CCDC71L: variants seen among roughly 807,000 people sequenced by gnomAD.
The protein encoded by CCDC71L is coiled-coil domain-containing protein 71L.
CCDC71L carries 6 observed loss-of-function variants against 10.2 expected under a neutral mutation model. The ratio of observed to expected loss-of-function variants is 0.59; its 90% CI spans 0.32 to 1.16. The LOEUF is 1.16. Among genes scored for constraint, CCDC71L ranks in the 50% most tolerant of loss-of-function variants. CCDC71L has a pLI of 0.05. For synonymous variants in CCDC71L, 204 were observed against 175.5 expected, an observed-to-expected ratio of 1.16 and a Z score of -1.28; for missense variants, 366 against 383.4, an observed-to-expected ratio of 0.95 and a Z score of 0.38.
rs1427342975 is a variant in CCDC71L at position 106,659,051 on chromosome 7, C to T, written c.*1138G>A. ...AGTAACCTTAACCAGTTATTTGATA[C>T]CAAGAAATGCCTCCACCCCTCTTGA... On this transcript the variant is annotated 3_prime_UTR_variant, in exon 1 of 1. Transcript: ENST00000523505. 6.6e-6 allele frequency: 1 copy of T among 152,054 alleles called. No individual in the cohort carries two copies. The highest frequency in any genetic ancestry group is 1.5e-5 in the Non-Finnish European group (1 of 67,972). 9.4% of individuals were successfully genotyped at this position (152,054 alleles called of 1,614,324 possible). A position where few individuals can be genotyped will look rare whatever the true frequency, so the allele number is the denominator to read the frequency against.
Position 106,659,587 on chromosome 7 carries a change from A to ACAAGCTTGAAC in CCDC71L, c.*591_*601dup, listed in dbSNP as rs1336307494. 2.0e-5 allele frequency: 3 copies of ACAAGCTTGAAC among 152,656 alleles called. No individual in the cohort carries two copies. Among genetic ancestry groups the ACAAGCTTGAAC allele is most frequent in the Non-Finnish European group, 2.9e-5 (2 of 68,046 alleles). 9.5% of individuals were successfully genotyped at this position (152,656 alleles called of 1,614,324 possible). A position where few individuals can be genotyped will look rare whatever the true frequency, so the allele number is the denominator to read the frequency against. On this transcript the variant is annotated 3_prime_UTR_variant, in exon 1 of 1. Transcript: ENST00000523505. ...ACAAATCCTTGCACTACTAACAGTC[A>ACAAGCTTGAAC]CAAGCTTGAACCTCTTAAAAAATAT...
rs1792506670 is a variant in CCDC71L, at chr7:106,657,272, A to G, written c.*2917T>C. 6.6e-6 allele frequency: 1 copy of G among 152,170 alleles called. No homozygotes were observed. Among genetic ancestry groups the G allele is most frequent in the South Asian group, 2.1e-4 (1 of 4,830 alleles). 9.4% of individuals were successfully genotyped at this position (152,170 alleles called of 1,614,324 possible). On this transcript the variant is annotated 3_prime_UTR_variant, in exon 1 of 1. Coordinates refer to ENST00000523505, the MANE Select transcript of CCDC71L (RefSeq NM_175884.6). ...ACTGGTTTTAGTAACATAAAAATAC[A>G]TTGCTGGTTGACAGGAAGGATAAAA...
rs754098457 is a variant in CCDC71L, at chr7:106,660,200, G to A, written c.697C>T (p.Pro233Ser). Residue 233 changes from proline (P) to serine (S), a missense_variant, in exon 1 of 1, where the codon CCC becomes TCC. Physicochemically the swap from Pro to Ser is moderately conservative, Grantham distance 74 (BLOSUM62 -1). Transcript: ENST00000523505. This position sits in a 1 kb window ranked among gnomAD's most constrained non-coding sequence, Gnocchi z 7.5. ...PMVRLRRFPVPRA is the reference protein window; with the variant it reads ...PMVRLRRFPVSRA ...CTGGAGGCCGCACCTCATGCCCGGG[G>A]CACCGGGAAGCGGCGGAGCCTCACC... 1.9e-6 allele frequency: 3 copies of A among 1,563,962 alleles called. No individual in the cohort carries two copies. Among genetic ancestry groups the A allele is most frequent in the South Asian group, 2.3e-5 (2 of 87,964 alleles).
Position 106,660,460 on chromosome 7 carries a change from T to G in CCDC71L, c.437A>C (p.Lys146Thr). Residue 146 changes from lysine to threonine, a missense_variant, in exon 1 of 1, where the codon AAG becomes ACG. By Grantham distance (78) the Lys-to-Thr change is moderately conservative. Transcript: ENST00000523505. This position sits in a 1 kb window ranked among gnomAD's most constrained non-coding sequence, Gnocchi z 7.5. ...GARAAAARRR[K>T]PRPPPPPPPP... ...CGGCGGTGGGGGTGGCGGCCGGGGC[T>G]TCCTCCTGCGGGCAGCGGCCGCCCG... 8.2e-7 allele frequency: 1 copy of G among 1,226,158 alleles called. No homozygotes were observed. Among genetic ancestry groups the G allele is most frequent in the Non-Finnish European group, 1.0e-6 (1 of 985,306 alleles). The allele number at this position is 1,226,158 out of a possible 1,614,324, so 76.0% of individuals were successfully genotyped here.
chr7:106,657,557 C>T lies in CCDC71L; in HGVS notation c.*2632G>A, dbSNP rs1403302541. ...ATGCCTCATTATAAAGGCCACTATGCCAAGTTTCTTTTCACATTCTGTGAC... is the reference window on the plus strand; with the variant it reads ...ATGCCTCATTATAAAGGCCACTATGTCAAGTTTCTTTTCACATTCTGTGAC... On this transcript the variant is annotated 3_prime_UTR_variant, in exon 1 of 1. Coordinates refer to ENST00000523505, the MANE Select transcript of CCDC71L (RefSeq NM_175884.6). 1 of 152,146 alleles carries T rather than the reference C, an allele frequency of 6.6e-6. No individual in the cohort carries two copies. Among genetic ancestry groups the T allele is most frequent in the Admixed American group, 6.5e-5 (1 of 15,280 alleles). The allele number at this position is 152,146 out of a possible 1,614,324, so 9.4% of individuals were successfully genotyped here.
rs748911402 is a variant in CCDC71L at position 106,660,309 on chromosome 7, G to A, written c.588C>T (p.Val196=). Residue 196 remains valine, a synonymous_variant, in exon 1 of 1, where the codon GTC becomes GTT. Transcript: ENST00000523505. This position sits in a 1 kb window ranked among gnomAD's most constrained non-coding sequence, Gnocchi z 7.5. ...PTLTTFPTIR[V]GSDVWGERSL... The stretch of plus-strand genomic sequence containing the variant: ...TGCGCTCGCCCCACACGTCGCTGCC[G>A]ACGCGGATGGTGGGGAAGGTGGTCA... 3.2e-6 allele frequency: 5 copies of A among 1,540,080 alleles called. No homozygotes were observed. The Admixed American group carries it at 5.7e-5, about 18-fold the overall frequency.
Position 106,661,005 on chromosome 7 carries a change from T to G in CCDC71L, c.-109A>C. ...GCTGCTGCTGGCGTCTCTCGCTACT[T>G]TTCTCGCCTCCGCCGCCGCCCCTCC... On this transcript the variant is annotated 5_prime_UTR_variant, in exon 1 of 1. Transcript: ENST00000523505. 1 of 1,278,976 alleles carries G rather than the reference T, an allele frequency of 7.8e-7. No homozygotes were observed. Among genetic ancestry groups the G allele is most frequent in the Middle Eastern group, 3.0e-4 (1 of 3,338 alleles). The allele number at this position is 1,278,976 out of a possible 1,614,324, so 79.2% of individuals were successfully genotyped here. A position where few individuals can be genotyped will look rare whatever the true frequency, so the allele number is the denominator to read the frequency against.
Position 106,656,241 on chromosome 7 carries a change from AC to A in CCDC71L, c.*3947del, listed in dbSNP as rs1792487936. Among the ~76,000 whole-genome samples, 1 of 152,296 alleles carries A rather than the reference AC, an allele frequency of 6.6e-6. No individual in the cohort carries two copies. Among genetic ancestry groups the A allele is most frequent in the Non-Finnish European group, 1.5e-5 (1 of 68,020 alleles). ...AACTAATAGGAACTTAGGTACAAAG[AC>A]AAATTCAGCCCACACAGTACTATCT... is the stretch of plus-strand genomic sequence containing the variant. On this transcript the variant is annotated 3_prime_UTR_variant, in exon 1 of 1. Coordinates refer to ENST00000523505, the MANE Select transcript of CCDC71L (RefSeq NM_175884.6).
chr7:106,658,358 T>C lies in CCDC71L; in HGVS notation c.*1831A>G, dbSNP rs1792525885. The stretch of plus-strand genomic sequence containing the variant: ...GAAAACTGGCATCAAGTTATATATA[T>C]GTGTGTATATATATATCATATTATT... On this transcript the variant is annotated 3_prime_UTR_variant, in exon 1 of 1. Coordinates refer to ENST00000523505, the MANE Select transcript of CCDC71L (RefSeq NM_175884.6). 6.6e-6 allele frequency: 1 copy of C among 152,220 alleles called. No individual in the cohort carries two copies. Among genetic ancestry groups the C allele is most frequent in the African/African-American group, 2.4e-5 (1 of 41,466 alleles). 9.4% of individuals were successfully genotyped at this position (152,220 alleles called of 1,614,324 possible).
rs73184250 is a variant in CCDC71L at position 106,654,628 on chromosome 7, C to G, written c.*5561G>C. ...AAGCAAAAAATATGCTGTAAGAAAT[C>G]AAAATAATGGTTATCTTGGGCAAGA... On this transcript the variant is annotated 3_prime_UTR_variant, in exon 1 of 1. Coordinates refer to ENST00000523505, the MANE Select transcript of CCDC71L (RefSeq NM_175884.6). 0.06 allele frequency among the ~76,000 whole-genome samples: 9,108 copies of G among 152,006 alleles called. 349 individuals carry two copies. Among genetic ancestry groups the G allele is most frequent in the African/African-American group, 0.1 (4,323 of 41,460 alleles).
Position 106,655,576 on chromosome 7 carries a change from A to G in CCDC71L, c.*4613T>C, listed in dbSNP as rs1792476326. 6.6e-6 allele frequency among the ~76,000 whole-genome samples: 1 copy of G among 152,242 alleles called. No homozygotes were observed. Among genetic ancestry groups the G allele is most frequent in the South Asian group, 2.1e-4 (1 of 4,834 alleles). On this transcript the variant is annotated 3_prime_UTR_variant, in exon 1 of 1. Transcript: ENST00000523505. ...AACACTTACTGAGCTTACTCTAAGC[A>G]AATATGTAGTCCAAAACTTTTGTAA... is the stretch of plus-strand genomic sequence containing the variant.
rs542839626 is a variant in CCDC71L at position 106,660,854 on chromosome 7, C to T, written c.43G>A (p.Ala15Thr). 1 of 1,479,312 alleles carries T rather than the reference C, an allele frequency of 6.8e-7. No individual in the cohort carries two copies. 91.6% of individuals were successfully genotyped at this position (1,479,312 alleles called of 1,614,324 possible). The change falls in exon 1 of 1, where the codon GCC becomes ACC. Residue 15 changes from alanine to threonine, a missense_variant. Physicochemically the swap from Ala to Thr is moderately conservative, Grantham distance 58. Coordinates refer to ENST00000523505, the MANE Select transcript of CCDC71L (RefSeq NM_175884.6). The surrounding 1 kb of genome is among the most constrained non-coding windows in gnomAD (Gnocchi z 7.5). The stretch of plus-strand genomic sequence containing the variant: ...CCGCCCCGGGCGGCCGTGGCCGGGG[C>T]GACCGGGCGCCGGCGCCGCCGCCTC... ...MKRRRRRRPV[A>T]PATAARGGDF...
chr7:106,660,600 G>C lies in CCDC71L; in HGVS notation c.297C>G (p.Tyr99Ter), dbSNP rs577572352. ...CCAGGGCCCGGCAGGAGGAGTAGCC[G>C]TAGACGTCCTTGCTGCGCAGGATGT... is the stretch of plus-strand genomic sequence containing the variant. The part of the protein sequence containing the change: ...SPHILRSKDV[Y>*]GYSSCRALVP... Residue 99 changes from tyrosine to a stop codon, truncating the protein, a stop_gained, in exon 1 of 1, where the codon TAC becomes TAG. Transcript: ENST00000523505. LOFTEE classifies it high-confidence loss of function. This position sits in a 1 kb window ranked among gnomAD's most constrained non-coding sequence, Gnocchi z 7.5. 6.3e-7 allele frequency: 1 copy of C among 1,579,860 alleles called. No homozygotes were observed. Among genetic ancestry groups the C allele is most frequent in the African/African-American group, 1.4e-5 (1 of 73,414 alleles).
chr7:106,654,681 G>A lies in CCDC71L; in HGVS notation c.*5508C>T, dbSNP rs946909055. Among the ~76,000 whole-genome samples, 3 of 152,128 alleles carry A rather than the reference G, an allele frequency of 2.0e-5. No homozygotes were observed. ...GTGAGTAGGTAATGGCTGATGGGGT[G>A]TTAGGGAGGACTTCAGGGGTACTCA... On this transcript the variant is annotated 3_prime_UTR_variant, in exon 1 of 1. Transcript: ENST00000523505.
chr7:106,660,333 C>G lies in CCDC71L; in HGVS notation c.564G>C (p.Leu188=). The change falls in exon 1 of 1, where the codon CTG becomes CTC. Residue 188 remains leucine, a synonymous_variant. Transcript: ENST00000523505. The surrounding 1 kb of genome is among the most constrained non-coding windows in gnomAD (Gnocchi z 7.5). ...CGACGCGGATGGTGGGGAAGGTGGT[C>G]AGCGTCGGGGTGGCCGCCCTCCAGA... ...EEIWRAATPT[L]TTFPTIRVGS... The G allele has an allele frequency of 4.0e-6, 6 of 1,502,100 alleles. No individual in the cohort carries two copies. The highest frequency in any genetic ancestry group is 5.3e-6 in the Non-Finnish European group (6 of 1,134,632). The allele number at this position is 1,502,100 out of a possible 1,614,324, so 93.0% of individuals were successfully genotyped here.
Position 106,656,293 on chromosome 7 carries a change from T to C in CCDC71L, c.*3896A>G, listed in dbSNP as rs1448532155. 6.6e-6 allele frequency among the ~76,000 whole-genome samples: 1 copy of C among 152,166 alleles called. No homozygotes were observed. Among genetic ancestry groups the C allele is most frequent in the African/African-American group, 2.4e-5 (1 of 41,440 alleles). On this transcript the variant is annotated 3_prime_UTR_variant, in exon 1 of 1. Transcript: ENST00000523505. ...ATGAATCCGGCTCTTGCTGTGCTGT[T>C]CACTAATACTCCACTTCTGCCTTCT... is the stretch of plus-strand genomic sequence containing the variant.
At position 106,658,946 on chromosome 7, in the gene CCDC71L, T is replaced by C. The variant is rs1292038772; in HGVS notation, c.*1243A>G. The C allele has an allele frequency of 6.6e-6, 1 of 152,204 alleles. No individual in the cohort carries two copies. The highest frequency in any genetic ancestry group is 1.5e-5 in the Non-Finnish European group (1 of 68,020). 9.4% of individuals were successfully genotyped at this position (152,204 alleles called of 1,614,324 possible). A position where few individuals can be genotyped will look rare whatever the true frequency, so the allele number is the denominator to read the frequency against. ...TAAAAATCAACTAATTTTCATTATG[T>C]TTGTAAAACTGATGAATATTAGTCT... On this transcript the variant is annotated 3_prime_UTR_variant, in exon 1 of 1. Coordinates refer to ENST00000523505, the MANE Select transcript of CCDC71L (RefSeq NM_175884.6).
rs762103903 is a variant in CCDC71L at position 106,660,363 on chromosome 7, C to T, written c.534G>A (p.Glu178=). Residue 178 remains glutamate (E), a synonymous_variant, in exon 1 of 1, where the codon GAG becomes GAA. Coordinates refer to ENST00000523505, the MANE Select transcript of CCDC71L (RefSeq NM_175884.6). The surrounding 1 kb of genome is among the most constrained non-coding windows in gnomAD (Gnocchi z 7.5). ...PGPCFGGRTL[E]EIWRAATPTL... Reference sequence around the variant, plus strand: ...TCGGGGTGGCCGCCCTCCAGATCTCCTCCAAGGTGCGGCCCCCGAAGCAGG... The same window carrying T: ...TCGGGGTGGCCGCCCTCCAGATCTCTTCCAAGGTGCGGCCCCCGAAGCAGG... 13 of 1,400,210 alleles carry T rather than the reference C, an allele frequency of 9.3e-6. No homozygotes were observed. In the East Asian group the frequency reaches 3.7e-4, roughly 40 times the overall value. 86.7% of individuals were successfully genotyped at this position (1,400,210 alleles called of 1,614,324 possible).
rs1584308526 is a variant in CCDC71L, at chr7:106,660,481, G to C, written c.416C>G (p.Ala139Gly). 1 of 1,224,758 alleles carries C rather than the reference G, an allele frequency of 8.2e-7. No individual in the cohort carries two copies. Among genetic ancestry groups the C allele is most frequent in the African/African-American group, 1.6e-5 (1 of 63,434 alleles). The allele number at this position is 1,224,758 out of a possible 1,614,324, so 75.9% of individuals were successfully genotyped here. A position where few individuals can be genotyped will look rare whatever the true frequency, so the allele number is the denominator to read the frequency against. ...GGGCTTCCTCCTGCGGGCAGCGGCCGCCCGGGCTCCGCGGCGCCTCCTCCT... is the reference window on the plus strand; with the variant it reads ...GGGCTTCCTCCTGCGGGCAGCGGCCCCCCGGGCTCCGCGGCGCCTCCTCCT... ...AARRRRRGAR[A>G]AAARRRKPRP... is the part of the protein sequence containing the mutation. The change falls in exon 1 of 1, where the codon GCG becomes GGG. Residue 139 changes from alanine (A) to glycine (G), a missense_variant. Coordinates refer to ENST00000523505, the MANE Select transcript of CCDC71L (RefSeq NM_175884.6). The surrounding 1 kb of genome is among the most constrained non-coding windows in gnomAD (Gnocchi z 7.5).
Sources: allele counts gnomAD v4.1 joint callset (sites outside exome capture counted in the v4.1 genomes callset), GRCh38; gene constraint gnomAD v4.1.1; non-coding constraint Gnocchi (gnomAD v3.1); transcripts MANE v1.5; gene names NCBI Gene and HGNC (gene_info 2026-07-23, HGNC 2026-07-21).